CIMAP2: variants seen among roughly 807,000 people sequenced by gnomAD.
CIMAP2 encodes ciliary microtubule-associated protein 2.
chr1:54,826,093 C>T, the CIMAP2 span, among the ~76,000 whole-genome samples: 12 of 152,028 alleles, frequency 7.9e-5, no homozygotes, highest in Non-Finnish European at 1.6e-4. Flanking sequence ...GCAAGTGGGG[C>T]GGGTGGATTC....
chr1:54,839,487 C>G, the CIMAP2 span, among the ~76,000 whole-genome samples: 1 of 152,012 alleles, frequency 6.6e-6, no homozygotes, highest in Non-Finnish European at 1.5e-5. Context: ...AAGCGATTCT[C>G]TTGTCTCAGC....
the CIMAP2 span, chr1:54,811,773 G>GCCACC: frequency 3.8e-6 from 5 of 1,325,050 alleles, no homozygotes; most frequent in South Asian, 3.9e-5. Context: ...CAGCCTCCAT[G>GCCACC]CCCCCACCCC....
chr1:54,841,740 G>A, the CIMAP2 span: 27 of 1,589,428 alleles, frequency 1.7e-5, no homozygotes, highest in Middle Eastern at 1.5e-3. Flanking sequence ...CTCCAGGGAT[G>A]AGGAGCTCAC....
At chr1:54,810,263 G>A in the CIMAP2 span, among the ~76,000 whole-genome samples, 2 of 152,170 alleles carry the variant, frequency 1.3e-5, no homozygotes, top group Non-Finnish European at 2.9e-5. Flanking sequence ...TTTTGGAGTT[G>A]AAACTCTCAT....
At chr1:54,836,366 T>C in the CIMAP2 span, among the ~76,000 whole-genome samples, 1 of 151,206 alleles carries the variant, frequency 6.6e-6, no homozygotes, top group African/African-American at 2.4e-5. Context: ...CTCTCTGTAT[T>C]TCTGGTGGGG....
the CIMAP2 span, among the ~76,000 whole-genome samples, chr1:54,819,841 TTTC>T: frequency 8.8e-6 from 1 of 113,562 alleles, no homozygotes; most frequent in Non-Finnish European, 1.9e-5. Context: ...TTTCTTTCTC[TTTC>T]TTTCTTTCCT....
At chr1:54,811,772 T>TG in the CIMAP2 span, 20 of 454,850 alleles carry the variant, frequency 4.4e-5, no homozygotes, top group South Asian at 1.1e-4. Context: ...ACAGCCTCCA[T>TG]GCCCCCACCC....
the CIMAP2 span, among the ~76,000 whole-genome samples, chr1:54,834,222 A>T: frequency 1.3e-5 from 2 of 152,150 alleles, no homozygotes; most frequent in Non-Finnish European, 2.9e-5. Flanking sequence ...TTAAATAGGG[A>T]GTCTTCCCTG....
chr1:54,811,824 G>T, the CIMAP2 span: 11 of 1,510,392 alleles, frequency 7.3e-6, no homozygotes, highest in South Asian at 1.1e-4. Flanking sequence ...AAATTATGGG[G>T]AGAAGGGTAA....
chr1:54,811,765 GCCTCCATGCC>G, the CIMAP2 span: 36 of 1,301,308 alleles, frequency 2.8e-5, no homozygotes, highest in Non-Finnish European at 3.6e-5. Context: ...GGTTCTGACA[GCCTCCATGCC>G]CCCACCCCCG....
chr1:54,835,868 G>A, the CIMAP2 span, among the ~76,000 whole-genome samples: 3 of 152,134 alleles, frequency 2.0e-5, no homozygotes, highest in South Asian at 4.1e-4. Context: ...TCTTTCCCCC[G>A]AAGCTTTCTG....
At chr1:54,810,430 A>G in the CIMAP2 span, among the ~76,000 whole-genome samples, 1 of 152,218 alleles carries the variant, frequency 6.6e-6, no homozygotes, top group South Asian at 2.1e-4. Flanking sequence ...CACACCATGC[A>G]GGGATCCAGC....
chr1:54,811,765 G>GCGGGGGGGGGGCGCCGCCCCC, the CIMAP2 span: 1 of 1,301,332 alleles, frequency 7.7e-7, no homozygotes. Context: ...GGTTCTGACA[G>GCGGGGGGGGGGCGCCGCCCCC]CCTCCATGCC....
chr1:54,811,765 G>GCCGGGGGGGGGGGGGCCGCCCCCCCCC, the CIMAP2 span: 1 of 1,301,332 alleles, frequency 7.7e-7, no homozygotes, highest in Non-Finnish European at 1.1e-6. Flanking sequence ...GGTTCTGACA[G>GCCGGGGGGGGGGGGGCCGCCCCCCCCC]CCTCCATGCC....
chr1:54,810,904 C>T, the CIMAP2 span, among the ~76,000 whole-genome samples: 12 of 152,328 alleles, frequency 7.9e-5, no homozygotes, highest in South Asian at 8.3e-4. Flanking sequence ...CACTACTGCT[C>T]GCACCTTCAC....
chr1:54,822,823 C>G, the CIMAP2 span, among the ~76,000 whole-genome samples: 1 of 152,158 alleles, frequency 6.6e-6, no homozygotes, highest in African/African-American at 2.4e-5. Flanking sequence ...TAATTTATTC[C>G]TTGACCAAGT....
the CIMAP2 span, chr1:54,842,168 A>AT: frequency 5.9e-6 from 3 of 504,232 alleles, no homozygotes; most frequent in African/African-American, 5.7e-5. Context: ...GACTGAAGGG[A>AT]TGGGACGTAG....
chr1:54,820,871 C>T, the CIMAP2 span, among the ~76,000 whole-genome samples: 2 of 152,072 alleles, frequency 1.3e-5, no homozygotes, highest in African/African-American at 2.4e-5. Flanking sequence ...TGGGTTCAAG[C>T]GATTCTCTTG....
At chr1:54,840,414 T>C in the CIMAP2 span, among the ~76,000 whole-genome samples, 4 of 152,224 alleles carry the variant, frequency 2.6e-5, no homozygotes, top group African/African-American at 7.2e-5. Flanking sequence ...GTTTACAGTT[T>C]GGGGAATTTT....
Sources: allele counts gnomAD v4.1 joint callset (sites outside exome capture counted in the v4.1 genomes callset), GRCh38; gene constraint gnomAD v4.1.1; transcripts MANE v1.5; gene names NCBI Gene and HGNC (gene_info 2026-07-23, HGNC 2026-07-21).